PTPRG: variants seen among roughly 807,000 people sequenced by gnomAD.
PTPRG encodes protein tyrosine phosphatase receptor type G.
In PTPRG, 102 loss-of-function variants were observed where a neutral mutation model predicts 165.3. The ratio of observed to expected loss-of-function variants is 0.62; its 90% CI spans 0.53 to 0.73. The LOEUF is 0.73. PTPRG is among the 30% of genes least tolerant of loss of function. The probability of loss-of-function intolerance (pLI) is 0.00; values close to 1 mark genes in which losing one functional copy is unlikely to be tolerated. For missense variants in PTPRG, 1,866 were observed against 1,861.4 expected (o/e 1.00, Z -0.05); for synonymous variants, 675 against 669.5 (o/e 1.01, Z -0.13).
chr3:62,197,658 G>A (rs1044348666), intron 10 of PTPRG, among the ~76,000 whole-genome samples: 4 of 152,168 alleles, frequency 2.6e-5, no homozygotes, highest in African/African-American at 9.7e-5. Context: ...CATAAATCAT[G>A]ATTAAGGCCT....
chr3:62,200,981 C>T (rs1187616072), intron 10 of PTPRG, among the ~76,000 whole-genome samples: 1 of 152,124 alleles, frequency 6.6e-6, no homozygotes, highest in Non-Finnish European at 1.5e-5. Flanking sequence ...TAATACGATT[C>T]CAGTTAAATC....
chr3:61,922,934 C>T (rs963784377), intron 2 of PTPRG, among the ~76,000 whole-genome samples: 6 of 152,196 alleles, frequency 3.9e-5, no homozygotes, highest in African/African-American at 1.2e-4. Context: ...AGCCACCATA[C>T]CCCACCCAAA....
chr3:62,197,237 T>C (rs1175558200), intron 10 of PTPRG, among the ~76,000 whole-genome samples: 2 of 152,188 alleles, frequency 1.3e-5, no homozygotes, highest in Non-Finnish European at 2.9e-5. Flanking sequence ...GGGTAATGGA[T>C]GTTAAGTCAT....
intron 2 of PTPRG, among the ~76,000 whole-genome samples, chr3:61,890,033 C>G (rs1174133058): frequency 6.6e-6 from 1 of 152,178 alleles, no homozygotes; most frequent in Non-Finnish European, 1.5e-5. Context: ...CATAACTATT[C>G]TCATACTTTT....
chr3:62,239,612 G>A (rs1002029180), intron 14 of PTPRG, among the ~76,000 whole-genome samples: 2 of 151,876 alleles, frequency 1.3e-5, no homozygotes, highest in African/African-American at 2.4e-5. Context: ...CACCCACCTC[G>A]GCCTCCCAAA....
intron 5 of PTPRG, among the ~76,000 whole-genome samples, chr3:62,097,857 A>G (rs1384602913): frequency 6.6e-6 from 1 of 152,226 alleles, no homozygotes; most frequent in Non-Finnish European, 1.5e-5. Flanking sequence ...AAGAGGAAGC[A>G]TTTGAGATTC....
intron 4 of PTPRG, among the ~76,000 whole-genome samples, chr3:62,007,904 C>T (rs1164157547): frequency 1.3e-5 from 2 of 152,252 alleles, no homozygotes; most frequent in Non-Finnish European, 2.9e-5. Context: ...AATGTCTCTT[C>T]TTCCAAATGT....
chr3:62,121,161 G>T (rs192997950), intron 5 of PTPRG, among the ~76,000 whole-genome samples: 25 of 149,674 alleles, frequency 1.7e-4, no homozygotes, highest in African/African-American at 5.4e-4. Context: ...CACCATGTTA[G>T]CCAGGATGAT....
At chr3:61,987,079 A>G (rs555847730) in intron 2 of PTPRG, among the ~76,000 whole-genome samples, 3 of 152,212 alleles carry the variant, frequency 2.0e-5, no homozygotes, top group Admixed American at 6.5e-5. Context: ...TGGAATGGCA[A>G]TGGTGCTTCG....
intron 2 of PTPRG, chr3:61,925,816 G>A: frequency 2.2e-6 from 1 of 462,222 alleles, no homozygotes; most frequent in East Asian, 6.5e-5. Flanking sequence ...CACCAGAGGG[G>A]ATTAGGATTC....
chr3:61,665,982 CTTTTTTT>C (rs34088763), intron 1 of PTPRG, among the ~76,000 whole-genome samples: 2 of 139,950 alleles, frequency 1.4e-5, no homozygotes, highest in Non-Finnish European at 3.1e-5. Context: ...CGCCTTTTTA[CTTTTTTT>C]TTTTTTTTGG....
intron 5 of PTPRG, among the ~76,000 whole-genome samples, chr3:62,110,073 A>G (rs1030597918): frequency 8.1e-6 from 1 of 123,614 alleles, no homozygotes; most frequent in Non-Finnish European, 1.6e-5. Context: ...CTCTCTCTCT[A>G]TTCTAGAAAT....
intron 2 of PTPRG, among the ~76,000 whole-genome samples, chr3:61,843,383 C>G (rs2036708750): frequency 6.6e-6 from 1 of 152,020 alleles, no homozygotes; most frequent in Admixed American, 6.6e-5. Context: ...CACATACATA[C>G]ACACGGATCA....
chr3:61,982,865 A>G (rs1449209896), intron 2 of PTPRG, among the ~76,000 whole-genome samples: 12 of 152,160 alleles, frequency 7.9e-5, no homozygotes, highest in Non-Finnish European at 1.5e-4. Flanking sequence ...AAAATGAACA[A>G]AGTAGTTAGT....
intron 4 of PTPRG, among the ~76,000 whole-genome samples, chr3:62,069,684 T>TCTCTCTCTCTCACACACA (rs542306888): frequency 3.2e-4 from 47 of 145,048 alleles, no homozygotes; most frequent in East Asian, 1.8e-3. Flanking sequence ...TCTCTCTCTC[T>TCTCTCTCTCTCACACACA]CACACACAGA....
At chr3:62,146,535 T>C (rs551071862) in intron 6 of PTPRG, among the ~76,000 whole-genome samples, 12 of 152,194 alleles carry the variant, frequency 7.9e-5, no homozygotes, top group Admixed American at 6.5e-4. Context: ...CTCTGCCTGC[T>C]GATGGAGAGT....
chr3:61,908,098 G>A (rs115372409), intron 2 of PTPRG, among the ~76,000 whole-genome samples: 1,456 of 123,892 alleles, frequency 0.012, 18 homozygotes, highest in African/African-American at 0.04. Context: ...CAGCCTGGGC[G>A]ACAGAACAAG....
chr3:61,756,675 T>C (rs1575638217), intron 2 of PTPRG, among the ~76,000 whole-genome samples: 1 of 152,234 alleles, frequency 6.6e-6, no homozygotes, highest in East Asian at 1.9e-4. Context: ...AATGCATTAA[T>C]ATATTATCAG....
intron 1 of PTPRG, among the ~76,000 whole-genome samples, chr3:61,587,223 A>G (rs78535000): frequency 6.6e-6 from 1 of 152,376 alleles, no homozygotes; most frequent in East Asian, 1.9e-4. Context: ...ACTTGTAGCT[A>G]TCACTTATAA....
Sources: gnomAD v4.1 joint callset for allele counts (sites outside exome capture counted in the v4.1 genomes callset) on GRCh38, gnomAD v4.1.1 for gene constraint, MANE v1.5 for transcripts, NCBI Gene and HGNC (gene_info 2026-07-23, HGNC 2026-07-21) for gene names.